Variants in KCNIP4 observed in about 807,000 individuals in gnomAD.
The protein encoded by KCNIP4 is potassium voltage-gated channel interacting protein 4, also known as Kv channel-interacting protein 4.
In KCNIP4, 12 loss-of-function variants were observed where a neutral mutation model predicts 34.0. The ratio of observed to expected loss-of-function variants is 0.35; its 90% CI spans 0.23 to 0.57. The LOEUF is 0.57. Ranked by LOEUF, KCNIP4 falls within the 20% of genes least tolerant of loss-of-function variation. KCNIP4 has a pLI of 0.83. For missense variants in KCNIP4, 238 were observed against 311.7 expected (o/e 0.76, Z 1.78); for synonymous variants, 124 against 102.2 (o/e 1.21, Z -1.29).
chr4:20,987,959 C>T (rs570958615), intron 1 of KCNIP4, among the ~76,000 whole-genome samples: 1 of 135,952 alleles, frequency 7.4e-6, no homozygotes, highest in Non-Finnish European at 1.5e-5. Flanking sequence ...CGAGATCGCA[C>T]CACTGCACTC....
intron 1 of KCNIP4, among the ~76,000 whole-genome samples, chr4:21,242,654 C>T (rs985510781): frequency 1.3e-5 from 2 of 152,052 alleles, no homozygotes; most frequent in Non-Finnish European, 2.9e-5. Context: ...CTTTCTCTTG[C>T]CTGCCTTTCC....
At chr4:21,784,684 T>C (rs1175803083) in intron 1 of KCNIP4, among the ~76,000 whole-genome samples, 3 of 152,190 alleles carry the variant, frequency 2.0e-5, no homozygotes, top group Non-Finnish European at 4.4e-5. Flanking sequence ...ATATCTTTAT[T>C]TGGAACATTC....
intron 1 of KCNIP4, among the ~76,000 whole-genome samples, chr4:21,750,684 C>G (rs1041883740): frequency 5.9e-5 from 9 of 152,192 alleles, no homozygotes; most frequent in Non-Finnish European, 1.2e-4. Flanking sequence ...CCTGTAAGTT[C>G]AAACCATGTG....
At chr4:21,587,176 A>G (rs1741690433) in intron 1 of KCNIP4, among the ~76,000 whole-genome samples, 1 of 152,026 alleles carries the variant, frequency 6.6e-6, no homozygotes, top group Non-Finnish European at 1.5e-5. Context: ...CAAGCCCTGG[A>G]TTTATTATCT....
chr4:20,983,311 G>A (rs1003733863), intron 1 of KCNIP4, among the ~76,000 whole-genome samples: 3 of 152,132 alleles, frequency 2.0e-5, no homozygotes, highest in African/African-American at 7.2e-5. Flanking sequence ...CATTTTTGCT[G>A]AGCACCCATT....
intron 1 of KCNIP4, among the ~76,000 whole-genome samples, chr4:21,571,147 C>T (rs1189778327): frequency 1.3e-5 from 2 of 152,136 alleles, no homozygotes; most frequent in Admixed American, 1.3e-4. Flanking sequence ...CATTTATAAT[C>T]CCCTCTGAGT....
intron 1 of KCNIP4, among the ~76,000 whole-genome samples, chr4:21,750,049 C>T (rs780687312): frequency 5.9e-5 from 9 of 152,088 alleles, no homozygotes; most frequent in Admixed American, 1.3e-4. Context: ...TTATATCACA[C>T]GCCCTTCAGA....
chr4:21,502,944 C>CT (rs903859815), intron 1 of KCNIP4, among the ~76,000 whole-genome samples: 4 of 152,134 alleles, frequency 2.6e-5, no homozygotes, highest in Non-Finnish European at 5.9e-5. Context: ...TCTGGATAAA[C>CT]ACCTTCTGTT....
At position 21,466,242 on chromosome 4, in the gene KCNIP4, C is replaced by T. The variant is rs531729220; in HGVS notation, c.61+482329G>A. Among the ~76,000 whole-genome samples, 16 of 152,178 alleles carry T rather than the reference C, an allele frequency of 1.1e-4. No individual in the cohort carries two copies. In the South Asian group the frequency reaches 1.5e-3, roughly 14 times the overall value. Reference sequence around the variant, plus strand: ...CAGTCAAATTATGAACACTAAACACCGAACTCCAAAGTCTAACCCACAATG... The same window carrying T: ...CAGTCAAATTATGAACACTAAACACTGAACTCCAAAGTCTAACCCACAATG... On this transcript the variant is annotated intron_variant, in intron 1 of 8. Coordinates refer to ENST00000382152, the MANE Select transcript of KCNIP4 (RefSeq NM_025221.6).
intron 1 of KCNIP4, among the ~76,000 whole-genome samples, chr4:21,425,306 A>G (rs963305856): frequency 2.0e-5 from 3 of 152,194 alleles, no homozygotes; most frequent in Non-Finnish European, 4.4e-5. Context: ...TCTTAACTCA[A>G]TTAAGCACTT....
At chr4:21,740,450 A>T in intron 1 of KCNIP4, among the ~76,000 whole-genome samples, 1 of 151,982 alleles carries the variant, frequency 6.6e-6, no homozygotes, top group East Asian at 1.9e-4. Flanking sequence ...TTCCATAAAT[A>T]ATTATTAATC....
intron 1 of KCNIP4, among the ~76,000 whole-genome samples, chr4:21,644,428 G>C (rs909977882): frequency 2.0e-5 from 3 of 152,170 alleles, no homozygotes; most frequent in Non-Finnish European, 4.4e-5. Flanking sequence ...CATATCTTGA[G>C]GGGCATAGAT....
chr4:21,867,227 T>C (rs187653936), intron 1 of KCNIP4, among the ~76,000 whole-genome samples: 16 of 152,332 alleles, frequency 1.1e-4, no homozygotes, highest in Non-Finnish European at 1.8e-4. Flanking sequence ...TGCAATAAAC[T>C]GTTGAATTTA....
chr4:20,963,462 A>T (rs182656056), intron 1 of KCNIP4, among the ~76,000 whole-genome samples: 2 of 152,192 alleles, frequency 1.3e-5, no homozygotes, highest in African/African-American at 4.8e-5. Flanking sequence ...TCAGGGAGTC[A>T]TGTAACTCTG....
At chr4:20,848,814 A>G (rs553527574) in intron 3 of KCNIP4, among the ~76,000 whole-genome samples, 1 of 152,180 alleles carries the variant, frequency 6.6e-6, no homozygotes, top group Admixed American at 6.5e-5. Flanking sequence ...AAAGAAAAAA[A>G]AAGTCTGCTT....
intron 1 of KCNIP4, among the ~76,000 whole-genome samples, chr4:20,912,984 G>A (rs1728467177): frequency 6.6e-6 from 1 of 152,128 alleles, no homozygotes; most frequent in Non-Finnish European, 1.5e-5. Flanking sequence ...TACTAAAAAT[G>A]TTAAACATAG....
chr4:21,102,264 C>T (rs1282254184), intron 1 of KCNIP4, among the ~76,000 whole-genome samples: 2 of 152,104 alleles, frequency 1.3e-5, no homozygotes, highest in Non-Finnish European at 2.9e-5. Flanking sequence ...AGTTGGGTGA[C>T]TGGTGATCAG....
intron 2 of KCNIP4, among the ~76,000 whole-genome samples, chr4:20,867,370 A>G (rs547944021): frequency 6.6e-6 from 1 of 152,212 alleles, no homozygotes; most frequent in Admixed American, 6.6e-5. Flanking sequence ...AAATAAAGTC[A>G]CACGCCTACC....
intron 1 of KCNIP4, among the ~76,000 whole-genome samples, chr4:21,924,788 C>T (rs1343573036): frequency 6.6e-6 from 1 of 152,070 alleles, no homozygotes; most frequent in East Asian, 1.9e-4. Flanking sequence ...GGGTCCCTTT[C>T]CTATACCCCT....
Sources: allele counts gnomAD v4.1 joint callset (sites outside exome capture counted in the v4.1 genomes callset), GRCh38; gene constraint gnomAD v4.1.1; transcripts MANE v1.5; gene names NCBI Gene and HGNC (gene_info 2026-07-23, HGNC 2026-07-21).